Variants in LOC128462377 observed in about 807,000 individuals in gnomAD.
At chr16:89,393,206 C>T in the LOC128462377 span, among the ~76,000 whole-genome samples, 1 of 152,192 alleles carries the variant, frequency 6.6e-6, no homozygotes, top group Non-Finnish European at 1.5e-5. Context: ...ACGACGCCAG[C>T]CTCATTCACC....
the LOC128462377 span, among the ~76,000 whole-genome samples, chr16:89,407,280 T>C: frequency 6.6e-6 from 1 of 151,634 alleles, no homozygotes; most frequent in East Asian, 1.9e-4. Flanking sequence ...AAAAGACTCA[T>C]ATTTTTATAT....
At chr16:89,397,364 C>G in the LOC128462377 span, among the ~76,000 whole-genome samples, 1 of 152,248 alleles carries the variant, frequency 6.6e-6, no homozygotes, top group Non-Finnish European at 1.5e-5. Flanking sequence ...TGCGCATTTA[C>G]AAAATCTGAG....
the LOC128462377 span, among the ~76,000 whole-genome samples, chr16:89,338,037 C>A: frequency 2.6e-5 from 4 of 152,182 alleles, no homozygotes; most frequent in South Asian, 6.2e-4. Flanking sequence ...ATCATGGTGA[C>A]TCCCTACACA....
At chr16:89,376,471 T>A in the LOC128462377 span, among the ~76,000 whole-genome samples, 4 of 152,148 alleles carry the variant, frequency 2.6e-5, no homozygotes, top group Admixed American at 2.0e-4. Context: ...AGACTCTTGT[T>A]CCGTCACCCA....
the LOC128462377 span, among the ~76,000 whole-genome samples, chr16:89,355,802 G>A: frequency 2.0e-5 from 3 of 152,182 alleles, no homozygotes; most frequent in African/African-American, 2.4e-5. Flanking sequence ...GCCCTGCCAC[G>A]GCGGTTCACG....
the LOC128462377 span, among the ~76,000 whole-genome samples, chr16:89,414,899 A>G: frequency 6.6e-6 from 1 of 152,230 alleles, no homozygotes; most frequent in Non-Finnish European, 1.5e-5. Context: ...GAAACACGGG[A>G]ATGACACAAA....
At chr16:89,387,270 G>C in the LOC128462377 span, among the ~76,000 whole-genome samples, 1 of 152,068 alleles carries the variant, frequency 6.6e-6, no homozygotes, top group Non-Finnish European at 1.5e-5. Flanking sequence ...GGCCTGAATG[G>C]TGGGAGTGCC....
At chr16:89,341,264 G>GT in the LOC128462377 span, among the ~76,000 whole-genome samples, 1 of 152,206 alleles carries the variant, frequency 6.6e-6, no homozygotes, top group African/African-American at 2.4e-5. Context: ...AAACAATGCT[G>GT]TGGGTCCATT....
At chr16:89,406,656 A>C in the LOC128462377 span, among the ~76,000 whole-genome samples, 1 of 152,130 alleles carries the variant, frequency 6.6e-6, no homozygotes, top group East Asian at 1.9e-4. Flanking sequence ...GTTTTAGTTA[A>C]CCAGGACTGT....
At chr16:89,356,897 T>G in the LOC128462377 span, among the ~76,000 whole-genome samples, 11 of 152,202 alleles carry the variant, frequency 7.2e-5, no homozygotes, top group African/African-American at 2.7e-4. Flanking sequence ...CCAGGCCCTG[T>G]GGCTGTAATC....
chr16:89,362,487 C>T, the LOC128462377 span, among the ~76,000 whole-genome samples: 3 of 152,346 alleles, frequency 2.0e-5, no homozygotes, highest in Non-Finnish European at 2.9e-5. Flanking sequence ...CTCAATCCCA[C>T]GTGACTGAAC....
chr16:89,381,354 A>AAAAAAAAAAAAAAAAAAAAAAAAG, the LOC128462377 span, among the ~76,000 whole-genome samples: 2 of 125,346 alleles, frequency 1.6e-5, no homozygotes, highest in African/African-American at 6.6e-5. Context: ...AAAAAAAAAA[A>AAAAAAAAAAAAAAAAAAAAAAAAG]GGGGTGAGAA....
chr16:89,389,826 G>A, the LOC128462377 span, among the ~76,000 whole-genome samples: 1 of 142,384 alleles, frequency 7.0e-6, no homozygotes, highest in Non-Finnish European at 1.5e-5. Flanking sequence ...GATCACTAGG[G>A]CAAACACCGA....
the LOC128462377 span, among the ~76,000 whole-genome samples, chr16:89,392,069 T>C: frequency 6.6e-6 from 1 of 152,292 alleles, no homozygotes; most frequent in East Asian, 1.9e-4. Flanking sequence ...AAGTTCTAAG[T>C]TGCTAGCCAA....
chr16:89,398,252 CACT>C, the LOC128462377 span, among the ~76,000 whole-genome samples: 10 of 150,430 alleles, frequency 6.6e-5, no homozygotes, highest in African/African-American at 2.0e-4. Flanking sequence ...ACATGAGGGA[CACT>C]GTGAAACAGG....
At chr16:89,410,069 G>C in the LOC128462377 span, among the ~76,000 whole-genome samples, 1 of 152,138 alleles carries the variant, frequency 6.6e-6, no homozygotes, top group Non-Finnish European at 1.5e-5. Flanking sequence ...TCGATCTCCT[G>C]ACCTCGTGAT....
the LOC128462377 span, among the ~76,000 whole-genome samples, chr16:89,403,210 C>A: frequency 1.3e-5 from 2 of 152,206 alleles, no homozygotes; most frequent in East Asian, 3.8e-4. Context: ...CTGATCCGCT[C>A]CCTCTCTTCT....
At chr16:89,353,379 A>C in the LOC128462377 span, among the ~76,000 whole-genome samples, 1 of 152,032 alleles carries the variant, frequency 6.6e-6, no homozygotes, top group Non-Finnish European at 1.5e-5. Context: ...AGAGAAAGTA[A>C]ACAAAGTTTC....
At chr16:89,389,155 A>T in the LOC128462377 span, among the ~76,000 whole-genome samples, 1 of 151,986 alleles carries the variant, frequency 6.6e-6, no homozygotes, top group Non-Finnish European at 1.5e-5. Context: ...AGTGGCTGGG[A>T]TGACAGATAC....
Sources: gnomAD v4.1 joint callset for allele counts (sites outside exome capture counted in the v4.1 genomes callset) on GRCh38, gnomAD v4.1.1 for gene constraint, MANE v1.5 for transcripts.